The following DENND5B variants were observed in gnomAD, a reference collection of about 807,000 sequenced individuals.
The protein encoded by DENND5B is DENN domain containing 5B, also known as DENN domain-containing protein 5B.
Under a neutral mutation model 140.6 loss-of-function variants are expected in DENND5B, and 34 were observed. The observed-to-expected ratio is 0.24, with a 90% CI of 0.18 to 0.32. DENND5B has a LOEUF of 0.32. Among genes scored for constraint, DENND5B ranks in the 10% least tolerant of loss-of-function variants. DENND5B has a pLI of 1.00. For synonymous variants in DENND5B, 551 were observed against 562.1 expected (o/e 0.98, Z 0.28); for missense variants, 1,142 against 1,560.2 (o/e 0.73, Z 4.52).
chr12:31,531,749 T>C (rs1480964309), intron 1 of DENND5B, among the ~76,000 whole-genome samples: 1 of 152,198 alleles, frequency 6.6e-6, no homozygotes, highest in African/African-American at 2.4e-5. Context: ...TTCACTTAAA[T>C]ACTGACGGAC....
At chr12:31,474,265 AGACTTC>A (rs1257730643) in intron 3 of DENND5B, among the ~76,000 whole-genome samples, 4 of 148,304 alleles carry the variant, frequency 2.7e-5, no homozygotes, top group Non-Finnish European at 6.1e-5. Flanking sequence ...AATGTTTCTT[AGACTTC>A]AATTATTGGT....
In DENND5B at chr12:31,523,720, A is replaced by G. The variant is rs142693614; in HGVS notation, c.128-27801T>C. Among the ~76,000 whole-genome samples the G allele has an allele frequency of 3.9e-5, 6 of 152,330 alleles. No individual in the cohort carries two copies. The East Asian group carries it at 1.2e-3, about 29-fold the overall frequency. Reference sequence around the variant, plus strand: ...TTTTGCCCCAATTTTTAAAAATGAAAAAAAGAGTATATGACAAGAAAGATA... The same window carrying G: ...TTTTGCCCCAATTTTTAAAAATGAAGAAAAGAGTATATGACAAGAAAGATA... On this transcript the variant is annotated intron_variant, in intron 1 of 20. Coordinates refer to ENST00000389082, the MANE Select transcript of DENND5B (RefSeq NM_144973.4).
chr12:31,450,334 G>A (rs1944457668), intron 5 of DENND5B, among the ~76,000 whole-genome samples: 2 of 150,510 alleles, frequency 1.3e-5, no homozygotes, highest in South Asian at 4.3e-4. Flanking sequence ...TCCTCCAACA[G>A]AAAAAATATC....
chr12:31,385,437 G>A lies in DENND5B; in HGVS notation c.*2166C>T, dbSNP rs547348486. ...GCACATTAACCTAAGTCATCCCCCA[G>A]GTTGCCTAGACCTGTCAGGAGCATG... On this transcript the variant is annotated 3_prime_UTR_variant, in exon 21 of 21. Coordinates refer to ENST00000389082, the MANE Select transcript of DENND5B (RefSeq NM_144973.4). 2.0e-5 allele frequency: 3 copies of A among 152,178 alleles called. No individual in the cohort carries two copies. The highest frequency in any genetic ancestry group is 4.4e-5 in the Non-Finnish European group (3 of 68,052). The allele number at this position is 152,178 out of a possible 1,614,324, so 9.4% of individuals were successfully genotyped here.
chr12:31,409,786 T>G lies in DENND5B; in HGVS notation c.2682-402A>C, dbSNP rs949726281. Among the ~76,000 whole-genome samples, 33 of 152,096 alleles carry G rather than the reference T, an allele frequency of 2.2e-4. 1 individual carries two copies. The highest frequency in any genetic ancestry group is 8.8e-5 in the Non-Finnish European group (6 of 68,018). ...GAGCCACCATGCCCGGCCATTTTTT[T>G]TCTTTTGTTTCTTTCCCATTATGTC... is the stretch of plus-strand genomic sequence containing the variant. On this transcript the variant is annotated intron_variant, in intron 13 of 20. Coordinates refer to ENST00000389082, the MANE Select transcript of DENND5B (RefSeq NM_144973.4).
intron 1 of DENND5B, among the ~76,000 whole-genome samples, chr12:31,548,986 CCT>C (rs769178270): frequency 5.9e-5 from 9 of 152,066 alleles, no homozygotes; most frequent in Non-Finnish European, 1.2e-4. Flanking sequence ...GCCTTGAACC[CCT>C]GAGCTCAAGT....
At chr12:31,408,974 G>A (rs1356164569) in intron 14 of DENND5B, among the ~76,000 whole-genome samples, 1 of 152,192 alleles carries the variant, frequency 6.6e-6, no homozygotes, top group Non-Finnish European at 1.5e-5. Flanking sequence ...CCCCCATGGT[G>A]AGCTCCGGGA....
At chr12:31,443,321 C>G (rs1389966697) in intron 6 of DENND5B, among the ~76,000 whole-genome samples, 2 of 152,290 alleles carry the variant, frequency 1.3e-5, no homozygotes, top group African/African-American at 2.4e-5. Flanking sequence ...GTGATCCACC[C>G]TCCTTGGCCT....
Position 31,410,876 on chromosome 12 carries a change from A to C in DENND5B, c.2682-1492T>G, listed in dbSNP as rs1942414381. On this transcript the variant is annotated intron_variant, in intron 13 of 20. Coordinates refer to ENST00000389082, the MANE Select transcript of DENND5B (RefSeq NM_144973.4). ...TTTATGGTACACTGTTAAGCTAATA[A>C]AAAGGATGATATTGAATCGCACATA... Among the ~76,000 whole-genome samples, 7 of 152,344 alleles carry C rather than the reference A, an allele frequency of 4.6e-5. No individual in the cohort carries two copies. In the South Asian group the frequency reaches 1.4e-3, roughly 32 times the overall value.
chr12:31,516,433 C>T (rs1449087537), intron 1 of DENND5B, among the ~76,000 whole-genome samples: 3 of 149,206 alleles, frequency 2.0e-5, no homozygotes, highest in South Asian at 2.1e-4. Context: ...GCTGTGATCA[C>T]GCCACTCCTC....
intron 13 of DENND5B, among the ~76,000 whole-genome samples, chr12:31,411,101 C>T (rs897222246): frequency 2.7e-5 from 4 of 150,754 alleles, no homozygotes; most frequent in East Asian, 3.9e-4. Context: ...TGCAATGGCA[C>T]GATCTTGGCT....
intron 1 of DENND5B, among the ~76,000 whole-genome samples, chr12:31,566,494 C>G (rs2139365232): frequency 1.3e-5 from 2 of 152,062 alleles, no homozygotes; most frequent in Middle Eastern, 6.8e-3. Context: ...ATAGGCTGGG[C>G]CCAGTAGCTC....
At chr12:31,435,075 C>T (rs1365060157) in intron 7 of DENND5B, among the ~76,000 whole-genome samples, 2 of 152,136 alleles carry the variant, frequency 1.3e-5, no homozygotes, top group Admixed American at 6.6e-5. Flanking sequence ...TAATCCTCTA[C>T]TTCCCTCCTT....
intron 1 of DENND5B, among the ~76,000 whole-genome samples, chr12:31,555,912 A>C (rs1162414336): frequency 6.6e-6 from 1 of 152,178 alleles, no homozygotes; most frequent in Non-Finnish European, 1.5e-5. Context: ...GGAAAAGCAC[A>C]ATATTAGGGT....
chr12:31,413,876 T>C (rs944859127), intron 12 of DENND5B, among the ~76,000 whole-genome samples: 3 of 152,210 alleles, frequency 2.0e-5, no homozygotes, highest in East Asian at 3.8e-4. Flanking sequence ...AAGAATTTGG[T>C]TATTCCTGAT....
chr12:31,466,969 G>A (rs1945296676), intron 3 of DENND5B, among the ~76,000 whole-genome samples: 1 of 152,000 alleles, frequency 6.6e-6, no homozygotes, highest in Non-Finnish European at 1.5e-5. Flanking sequence ...GAGTAACAAT[G>A]AGAGTCATTC....
chr12:31,408,586 C>T lies in DENND5B; in HGVS notation c.2803+677G>A, dbSNP rs773959585. 1.9e-4 allele frequency among the ~76,000 whole-genome samples: 25 copies of T among 134,584 alleles called. No homozygotes were observed. The East Asian group carries it at 3.0e-3, about 16-fold the overall frequency. 88.3% of individuals were successfully genotyped at this position (134,584 alleles called of 152,430 possible). On this transcript the variant is annotated intron_variant, in intron 14 of 20. Transcript: ENST00000389082. ...AGGCTGCGGTGAGCTGAGATCGTGC[C>T]ACTGCACTCCAGCCTGGGTGATGGA...
chr12:31,516,843 G>C (rs1376676946), intron 1 of DENND5B, among the ~76,000 whole-genome samples: 1 of 152,164 alleles, frequency 6.6e-6, no homozygotes, highest in Non-Finnish European at 1.5e-5. Context: ...GGAGACTGAA[G>C]TGGGAGGGCT....
At chr12:31,443,279 T>C (rs1300536603) in intron 6 of DENND5B, among the ~76,000 whole-genome samples, 1 of 152,202 alleles carries the variant, frequency 6.6e-6, no homozygotes, top group Non-Finnish European at 1.5e-5. Flanking sequence ...TTCATCATGT[T>C]GCTCAGGCTG....
Sources: gnomAD v4.1 joint callset for allele counts (sites outside exome capture counted in the v4.1 genomes callset) on GRCh38, gnomAD v4.1.1 for gene constraint, MANE v1.5 for transcripts, NCBI Gene and HGNC (gene_info 2026-07-23, HGNC 2026-07-21) for gene names.